Variants in CCDC171 observed in about 807,000 individuals in gnomAD.
CCDC171 encodes the protein coiled-coil domain-containing protein 171.
Under a neutral mutation model 168.2 loss-of-function variants are expected in CCDC171, and 177 were observed. That is an observed-to-expected ratio of 1.05 (90% CI 0.93 to 1.19). CCDC171 has a LOEUF of 1.19. Among genes scored for constraint, CCDC171 ranks in the 50% most tolerant of loss-of-function variants. The pLI is 0.00. For missense variants in CCDC171, 1,991 were observed against 1,539.0 expected, an observed-to-expected ratio of 1.29 and a Z score of -4.91; for synonymous variants, 687 against 540.8, an observed-to-expected ratio of 1.27 and a Z score of -3.75.
chr9:15,570,122 A>G (rs1161681893), intron 2 of CCDC171, among the ~76,000 whole-genome samples: 1 of 152,026 alleles, frequency 6.6e-6, no homozygotes. Context: ...AGCATGAGCC[A>G]CCACATCCAG....
At chr9:15,999,376 GAGGAAGGAAAGAAGGA>G (rs1433701688) in intron 3 of CCDC171, among the ~76,000 whole-genome samples, 4 of 144,766 alleles carry the variant, frequency 2.8e-5, no homozygotes, top group Admixed American at 1.4e-4. Context: ...GGGAGGGAGG[GAGGAAGGAAAGAAGGA>G]AGGAAGGAAA....
chr9:15,786,522 G>A (rs2057964046), intron 21 of CCDC171, among the ~76,000 whole-genome samples: 1 of 151,906 alleles, frequency 6.6e-6, no homozygotes, highest in South Asian at 2.1e-4. Context: ...TATACATATT[G>A]TTTTTTACTT....
chr9:15,897,415 A>G lies in CCDC171; in HGVS notation c.3600+22752A>G, dbSNP rs554954487. Reference sequence around the variant, plus strand: ...GTTTTTAGCATCAAAAGATGTTTTGATGGAAGTGTGGAAGTTATATGGCAT... The same window carrying G: ...GTTTTTAGCATCAAAAGATGTTTTGGTGGAAGTGTGGAAGTTATATGGCAT... On this transcript the variant is annotated intron_variant, in intron 24 of 25. Transcript: ENST00000380701. Among the ~76,000 whole-genome samples the G allele has an allele frequency of 3.2e-3, 493 of 152,210 alleles. 6 individuals carry two copies. Among genetic ancestry groups the G allele is most frequent in the African/African-American group, 0.011 (469 of 41,560 alleles).
At chr9:15,895,156 T>C (rs1820746615) in intron 24 of CCDC171, among the ~76,000 whole-genome samples, 1 of 152,142 alleles carries the variant, frequency 6.6e-6, no homozygotes, top group South Asian at 2.1e-4. Context: ...CCTTTATATC[T>C]AAAATATTGC....
intron 1 of CCDC171, among the ~76,000 whole-genome samples, chr9:16,054,336 G>A (rs558931663): frequency 1.3e-4 from 20 of 152,342 alleles, no homozygotes; most frequent in South Asian, 8.3e-4. Context: ...GGGTGTGCAC[G>A]AAGTCCAGAG....
chr9:15,902,518 G>C (rs2794631), intron 24 of CCDC171, among the ~76,000 whole-genome samples: 130,142 of 152,182 alleles, frequency 0.86, 55,725 homozygotes, highest in East Asian at 0.96. Flanking sequence ...CTGTATTAGG[G>C]CATTCTTGCA....
At chr9:15,795,160 G>T (rs2058487654) in intron 21 of CCDC171, among the ~76,000 whole-genome samples, 1 of 152,146 alleles carries the variant, frequency 6.6e-6, no homozygotes, top group Non-Finnish European at 1.5e-5. Context: ...GTCATCCCAT[G>T]GCAGAAGGCA....
chr9:15,647,872 A>C (rs1437714081), intron 7 of CCDC171, among the ~76,000 whole-genome samples: 1 of 152,228 alleles, frequency 6.6e-6, no homozygotes, highest in African/African-American at 2.4e-5. Flanking sequence ...ATAGAAAAAG[A>C]AGGAATCCTC....
intron 25 of CCDC171, among the ~76,000 whole-genome samples, chr9:15,943,545 G>A (rs1451772970): frequency 6.6e-6 from 1 of 151,840 alleles, no homozygotes; most frequent in Non-Finnish European, 1.5e-5. Context: ...GCAAAGCTTG[G>A]GATCTCGAAG....
chr9:15,634,251 A>T (rs4741524), intron 7 of CCDC171, among the ~76,000 whole-genome samples: 61,621 of 151,884 alleles, frequency 0.41, 14,326 homozygotes, highest in East Asian at 0.76. Context: ...ACTTTTAAAA[A>T]AATTAAAGAT....
chr9:15,711,042 A>G (rs1370740387), intron 11 of CCDC171, among the ~76,000 whole-genome samples: 2 of 152,070 alleles, frequency 1.3e-5, no homozygotes, highest in Admixed American at 6.6e-5. Context: ...TTTTCTCCCA[A>G]TTGGTAATGG....
chr9:15,908,339 G>T (rs1356444555), intron 24 of CCDC171, among the ~76,000 whole-genome samples: 1 of 152,138 alleles, frequency 6.6e-6, no homozygotes, highest in African/African-American at 2.4e-5. Flanking sequence ...AAAATGATGA[G>T]TTCATGTCCT....
In CCDC171 at chr9:15,954,138, C is replaced by T. The variant is rs542426284; in HGVS notation, c.3754-17471C>T. Reference sequence around the variant, plus strand: ...ACCAACTTTTGGTTTCATTGATTTCCTCTACTTACTTTCTTTTTTTTTTTT... The same window carrying T: ...ACCAACTTTTGGTTTCATTGATTTCTTCTACTTACTTTCTTTTTTTTTTTT... On this transcript the variant is annotated intron_variant, in intron 25 of 25. Transcript: ENST00000380701. Among the ~76,000 whole-genome samples, 9 of 147,316 alleles carry T rather than the reference C, an allele frequency of 6.1e-5. No homozygotes were observed. The East Asian group carries it at 1.7e-3, about 27-fold the overall frequency.
At chr9:15,671,243 C>A (rs2049086923) in intron 9 of CCDC171, among the ~76,000 whole-genome samples, 1 of 152,112 alleles carries the variant, frequency 6.6e-6, no homozygotes, top group African/African-American at 2.4e-5. Context: ...TCTCATGTTC[C>A]TACACCTCAG....
intron 3 of CCDC171, among the ~76,000 whole-genome samples, chr9:15,992,429 T>G (rs1315384641): frequency 2.0e-5 from 3 of 152,300 alleles, no homozygotes; most frequent in East Asian, 3.9e-4. Flanking sequence ...AATTAGGTAT[T>G]GATGGGATGT....
intron 18 of CCDC171, among the ~76,000 whole-genome samples, chr9:15,750,143 A>G (rs956133415): frequency 1.3e-5 from 2 of 152,156 alleles, no homozygotes; most frequent in Non-Finnish European, 2.9e-5. Flanking sequence ...GGATATCACC[A>G]CTGATCCCAT....
chr9:16,041,212 G>T (rs1158167250), upstream of CCDC171, among the ~76,000 whole-genome samples: 1 of 152,218 alleles, frequency 6.6e-6, no homozygotes, highest in Non-Finnish European at 1.5e-5. Context: ...TGTTCAGATT[G>T]GTGTGTTCAG....
chr9:15,689,030 A>G (rs1587971165), intron 10 of CCDC171, among the ~76,000 whole-genome samples: 2 of 152,218 alleles, frequency 1.3e-5, no homozygotes, highest in South Asian at 4.1e-4. Flanking sequence ...ATACAATACA[A>G]TATCCATTTA....
At chr9:15,858,617 C>G (rs1241793106) in intron 23 of CCDC171, among the ~76,000 whole-genome samples, 1 of 151,900 alleles carries the variant, frequency 6.6e-6, no homozygotes, top group Non-Finnish European at 1.5e-5. Context: ...TTTTAGTGTA[C>G]AAGTCTTTCA....
Sources: gnomAD v4.1 joint callset for allele counts (sites outside exome capture counted in the v4.1 genomes callset) on GRCh38, gnomAD v4.1.1 for gene constraint, MANE v1.5 for transcripts, NCBI Gene and HGNC (gene_info 2026-07-23, HGNC 2026-07-21) for gene names.